The following TRIM2 variants were observed in gnomAD, a reference collection of about 807,000 sequenced individuals.
The protein encoded by TRIM2 is tripartite motif containing 2, also known as tripartite motif-containing protein 2.
TRIM2 carries 20 observed loss-of-function variants against 75.2 expected under a neutral mutation model. The observed-to-expected ratio is 0.27, with a 90% CI of 0.19 to 0.39. The LOEUF (loss-of-function observed/expected upper bound fraction) is 0.39, where lower values mean the gene tolerates loss of function less well. TRIM2 is among the 10% of genes least tolerant of loss of function. The pLI is 1.00. For synonymous variants in TRIM2, 373 were observed against 388.3 expected (o/e 0.96, Z 0.46); for missense variants, 660 against 990.8 (o/e 0.67, Z 4.48).
Position 153,338,378 on chromosome 4 carries a change from T to C in TRIM2, c.*3412T>C. 1.0e-6 allele frequency: 1 copy of C among 985,632 alleles called. No individual in the cohort carries two copies. Among genetic ancestry groups the C allele is most frequent in the Non-Finnish European group, 1.2e-6 (1 of 829,856 alleles). The allele number at this position is 985,632 out of a possible 1,614,324, so 61.1% of individuals were successfully genotyped here. A position where few individuals can be genotyped will look rare whatever the true frequency, so the allele number is the denominator to read the frequency against. ...TCACTAGCTTCTGAAAAGGGAGGAG[T>C]ATTTTTAGTTTGACAATTTAATAAT... On this transcript the variant is annotated 3_prime_UTR_variant, in exon 12 of 12. Transcript: ENST00000338700.
intron 1 of TRIM2, among the ~76,000 whole-genome samples, chr4:153,196,444 A>C (rs1053717484): frequency 6.6e-6 from 1 of 152,170 alleles, no homozygotes; most frequent in African/African-American, 2.4e-5. Flanking sequence ...CTCTTAAAAA[A>C]TCATAAAAAT....
At chr4:153,205,865 T>C (rs978453302) in intron 1 of TRIM2, among the ~76,000 whole-genome samples, 2 of 152,212 alleles carry the variant, frequency 1.3e-5, no homozygotes, top group Admixed American at 6.5e-5. Flanking sequence ...CTTGAACCCA[T>C]TGTATGAAAA....
At chr4:153,215,164 G>A (rs1738135030) in intron 1 of TRIM2, among the ~76,000 whole-genome samples, 1 of 152,136 alleles carries the variant, frequency 6.6e-6, no homozygotes, top group Non-Finnish European at 1.5e-5. Context: ...TTTTTCCTAA[G>A]TCAGTATACC....
At chr4:153,221,981 AGG>A (rs1740471877) in intron 1 of TRIM2, among the ~76,000 whole-genome samples, 1 of 54,818 alleles carries the variant, frequency 1.8e-5, no homozygotes, top group African/African-American at 6.0e-5. Context: ...GGAGGAAGGA[AGG>A]AAGGGAGAGA....
At chr4:153,232,265 C>T (rs994482485) in intron 1 of TRIM2, among the ~76,000 whole-genome samples, 12 of 152,134 alleles carry the variant, frequency 7.9e-5, no homozygotes, top group African/African-American at 2.4e-4. Context: ...GTAATCCCAG[C>T]ACTTTGGGAG....
intron 1 of TRIM2, among the ~76,000 whole-genome samples, chr4:153,187,526 G>T (rs562198184): frequency 6.6e-6 from 1 of 152,328 alleles, no homozygotes; most frequent in South Asian, 2.1e-4. Flanking sequence ...TTAGAGGAGT[G>T]CAGGAATGGA....
chr4:153,290,687 C>A (rs1348031153), intron 3 of TRIM2, among the ~76,000 whole-genome samples: 3 of 152,212 alleles, frequency 2.0e-5, no homozygotes, highest in Non-Finnish European at 4.4e-5. Flanking sequence ...AGTGCAGTGG[C>A]ACAATCATGG....
chr4:153,275,868 C>T (rs1285874473), intron 2 of TRIM2, 25 bp from the exon 3 acceptor site: 1 of 1,603,998 alleles, frequency 6.2e-7, no homozygotes, highest in Non-Finnish European at 8.5e-7. Flanking sequence ...CTGTGCTAAG[C>T]TCTCCACCTC....
intron 1 of TRIM2, among the ~76,000 whole-genome samples, chr4:153,216,890 C>T (rs1265843703): frequency 6.6e-6 from 1 of 152,162 alleles, no homozygotes; most frequent in African/African-American, 2.4e-5. Context: ...CTAAAGGCAC[C>T]AACCTCTTAA....
chr4:153,170,607 A>G lies in TRIM2; in HGVS notation c.-49+17337A>G, dbSNP rs1730752371. 2.0e-5 allele frequency among the ~76,000 whole-genome samples: 3 copies of G among 152,182 alleles called. No homozygotes were observed. In the South Asian group the frequency reaches 6.2e-4, roughly 31 times the overall value. ...TTTTGAATGCTGAGCACATTCACCC[A>G]CAAGCTAAATTGTAGGCAAGCCCTG... On this transcript the variant is annotated intron_variant, in intron 1 of 11. Transcript: ENST00000437508.
At chr4:153,276,318 A>G in intron 3 of TRIM2, 188 bp downstream of exon 3, 1 of 603,292 alleles carries the variant, frequency 1.7e-6, no homozygotes, top group South Asian at 2.0e-5. Flanking sequence ...TAAATAACGA[A>G]ATCAATCTCC....
At chr4:153,176,631 G>A (rs1170290945) in intron 1 of TRIM2, among the ~76,000 whole-genome samples, 1 of 112,860 alleles carries the variant, frequency 8.9e-6, no homozygotes, top group African/African-American at 3.5e-5. Flanking sequence ...TTATTTTTGT[G>A]ACAGAGTCTC....
At chr4:153,307,878 T>C in intron 6 of TRIM2, 1 of 746,118 alleles carries the variant, frequency 1.3e-6, no homozygotes, top group South Asian at 1.4e-5. Flanking sequence ...GTCCACTTCA[T>C]TGTGGGAGAC....
intron 1 of TRIM2, among the ~76,000 whole-genome samples, chr4:153,191,954 C>T (rs1733234678): frequency 6.6e-6 from 1 of 152,164 alleles, no homozygotes; most frequent in South Asian, 2.1e-4. Flanking sequence ...TAGTTGCATC[C>T]TCAGTTCCTA....
intron 1 of TRIM2, among the ~76,000 whole-genome samples, chr4:153,232,355 TG>T (rs1743878163): frequency 6.6e-6 from 1 of 152,026 alleles, no homozygotes; most frequent in Non-Finnish European, 1.5e-5. Flanking sequence ...AAAAATTAGC[TG>T]GTCGTGGTGG....
intron 1 of TRIM2, among the ~76,000 whole-genome samples, chr4:153,237,525 A>G (rs929963377): frequency 6.6e-6 from 1 of 152,110 alleles, no homozygotes; most frequent in Non-Finnish European, 1.5e-5. Context: ...CTGAAAATAC[A>G]AAAAATTAGC....
Position 153,275,899 on chromosome 4 carries a change from G to A in TRIM2, c.222G>A (p.Leu74=), listed in dbSNP as rs1757916252. 9 of 1,613,988 alleles carry A rather than the reference G, an allele frequency of 5.6e-6. No homozygotes were observed. The highest frequency in any genetic ancestry group is 3.3e-5 in the South Asian group (3 of 91,080). The change falls in exon 3 of 12, where the codon CTG becomes CTA. Residue 74 remains leucine, a synonymous_variant. Transcript: ENST00000338700. The stretch of plus-strand genomic sequence containing the variant: ...ACCTCTGCTTCTGCAACAGGTGCCT[G>A]CAGAACTACATTCCTGCCCACAGTT... ...PCLHTFCERC[L]QNYIPAHSLT...
At chr4:153,155,017 G>A (rs1729101032) in intron 1 of TRIM2, among the ~76,000 whole-genome samples, 1 of 152,122 alleles carries the variant, frequency 6.6e-6, no homozygotes, top group Non-Finnish European at 1.5e-5. Flanking sequence ...GTGGGCACCT[G>A]TAATCCCAGC....
rs147735591 is a variant in TRIM2 at position 153,215,576 on chromosome 4, G to A, written c.30+11016G>A. Among the ~76,000 whole-genome samples the A allele has an allele frequency of 4.0e-3, 613 of 152,114 alleles. 2 individuals are homozygous for A. Among genetic ancestry groups the A allele is most frequent in the African/African-American group, 0.014 (585 of 41,488 alleles). Reference sequence around the variant, plus strand: ...AATATCCCAATTCTTGTTCTGGATGGTGTTTTTACCCTGTTACTATCCCTT... The same window carrying A: ...AATATCCCAATTCTTGTTCTGGATGATGTTTTTACCCTGTTACTATCCCTT... On this transcript the variant is annotated intron_variant, in intron 1 of 11. Transcript: ENST00000338700.
Sources: gnomAD v4.1 joint callset for allele counts (sites outside exome capture counted in the v4.1 genomes callset) on GRCh38, gnomAD v4.1.1 for gene constraint, MANE v1.5 for transcripts, NCBI Gene and HGNC (gene_info 2026-07-23, HGNC 2026-07-21) for gene names.